Variants in CDC14B observed in about 807,000 individuals in gnomAD.
The protein encoded by CDC14B is cell division cycle 14B.
In CDC14B, 22 loss-of-function variants were observed where a neutral mutation model predicts 64.2. The observed-to-expected ratio is 0.34, with a 90% CI of 0.24 to 0.49. The LOEUF is 0.49. Ranked by LOEUF, CDC14B falls within the 20% of genes least tolerant of loss-of-function variation. The pLI is 0.99. For missense variants in CDC14B, 498 were observed against 629.9 expected, an observed-to-expected ratio of 0.79 and a Z score of 2.24; for synonymous variants, 191 against 215.8, an observed-to-expected ratio of 0.89 and a Z score of 1.01.
At chr9:96,575,474 T>C (rs759851484) in intron 1 of CDC14B, among the ~76,000 whole-genome samples, 5 of 152,164 alleles carry the variant, frequency 3.3e-5, no homozygotes, top group African/African-American at 9.7e-5. Context: ...GTTCTTTTTT[T>C]AAGGGAGGCA....
chr9:96,505,592 C>T (rs1039932096), intron 13 of CDC14B, among the ~76,000 whole-genome samples: 9 of 152,126 alleles, frequency 5.9e-5, no homozygotes, highest in African/African-American at 2.2e-4. Flanking sequence ...TGAAAACAGG[C>T]CGATTCAACG....
intron 4 of CDC14B, among the ~76,000 whole-genome samples, chr9:96,553,118 G>A (rs1842041974): frequency 6.6e-6 from 1 of 152,070 alleles, no homozygotes; most frequent in Non-Finnish European, 1.5e-5. Context: ...CAATAGTTAG[G>A]AAAATTTTAA....
chr9:96,615,116 C>T (rs907943621), intron 1 of CDC14B, among the ~76,000 whole-genome samples: 1 of 152,194 alleles, frequency 6.6e-6, no homozygotes, highest in East Asian at 1.9e-4. Context: ...GCTGGGATTA[C>T]AGACGTGAGA....
chr9:96,564,898 T>C (rs1843700200), intron 2 of CDC14B, 46 bp from the exon 3 acceptor site: 1 of 1,240,584 alleles, frequency 8.1e-7, no homozygotes, highest in Admixed American at 2.2e-5. Context: ...CTAGATGCTC[T>C]GAATATAAAT....
intron 1 of CDC14B, among the ~76,000 whole-genome samples, chr9:96,608,825 A>C (rs1847128524): frequency 6.6e-6 from 1 of 152,078 alleles, no homozygotes; most frequent in Non-Finnish European, 1.5e-5. Flanking sequence ...TTATTAACAT[A>C]TACTTATATA....
chr9:96,512,893 C>T (rs555719248), intron 12 of CDC14B, among the ~76,000 whole-genome samples: 3 of 151,876 alleles, frequency 2.0e-5, no homozygotes, highest in African/African-American at 7.2e-5. Flanking sequence ...TTTGAGGCCA[C>T]GGTTGGCCAA....
intron 4 of CDC14B, among the ~76,000 whole-genome samples, chr9:96,560,243 C>CTCTGCTTTGGAGT (rs1217706510): frequency 6.6e-6 from 1 of 152,166 alleles, no homozygotes; most frequent in Non-Finnish European, 1.5e-5. Flanking sequence ...GGTCTGGCCC[C>CTCTGCTTTGGAGT]TCTGCTTTGG....
intron 1 of CDC14B, among the ~76,000 whole-genome samples, chr9:96,599,055 C>A (rs770089423): frequency 6.6e-6 from 1 of 152,142 alleles, no homozygotes; most frequent in African/African-American, 2.4e-5. Context: ...TAGTAACTTA[C>A]AATTATAATT....
chr9:96,509,643 C>G, intron 13 of CDC14B, 30 bp downstream of exon 13: 1 of 1,385,308 alleles, frequency 7.2e-7, no homozygotes, highest in Non-Finnish European at 1.0e-6. Context: ...ACGCTTGCAA[C>G]TTTTCAGAAG....
chr9:96,502,087 C>T lies in CDC14B; in HGVS notation c.*1666G>A, dbSNP rs1004765276. The T allele has an allele frequency of 1.3e-5, 2 of 152,164 alleles. No individual in the cohort carries two copies. The highest frequency in any genetic ancestry group is 4.8e-5 in the African/African-American group (2 of 41,438). 9.4% of individuals were successfully genotyped at this position (152,164 alleles called of 1,614,324 possible). A position where few individuals can be genotyped will look rare whatever the true frequency, so the allele number is the denominator to read the frequency against. ...CACCCAAATCTTATTGAAGAGTAGT[C>T]TGCCCACAGCCAAGTGGGTCTTTGT... On this transcript the variant is annotated 3_prime_UTR_variant, in exon 14 of 14. Transcript: ENST00000375241.
At chr9:96,608,781 G>T (rs1419193610) in intron 1 of CDC14B, among the ~76,000 whole-genome samples, 1 of 151,798 alleles carries the variant, frequency 6.6e-6, no homozygotes, top group Non-Finnish European at 1.5e-5. Flanking sequence ...TTTTCCTTTA[G>T]ATGTATTTTA....
chr9:96,582,494 T>C (rs1447948135), intron 1 of CDC14B, among the ~76,000 whole-genome samples: 2 of 152,218 alleles, frequency 1.3e-5, no homozygotes, highest in African/African-American at 2.4e-5. Context: ...GCTAGTCAAC[T>C]GGGACAAATA....
chr9:96,533,803 C>A (rs2131720219), intron 9 of CDC14B, 124 bp downstream of exon 9: 1 of 573,556 alleles, frequency 1.7e-6, no homozygotes, highest in Non-Finnish European at 3.0e-6. Context: ...TCAAAGGTTT[C>A]ACGGCACTCT....
Position 96,508,283 on chromosome 9 carries a change from T to C in CDC14B, c.1460+1390A>G, listed in dbSNP as rs1005378277. Among the ~76,000 whole-genome samples, 4 of 152,346 alleles carry C rather than the reference T, an allele frequency of 2.6e-5. No individual in the cohort carries two copies. The East Asian group carries it at 7.7e-4, about 29-fold the overall frequency. On this transcript the variant is annotated intron_variant, in intron 13 of 13. Transcript: ENST00000375241. ...CACCTGCCTCCGCCTCCCAAAGTGC[T>C]GGGATTACAGGCGCGAGCCACCGCA...
intron 5 of CDC14B, among the ~76,000 whole-genome samples, chr9:96,543,007 C>G (rs1564291662): frequency 6.8e-6 from 1 of 148,104 alleles, no homozygotes; most frequent in African/African-American, 2.5e-5. Context: ...GACTCTATCT[C>G]AAAAAACAAA....
At chr9:96,561,164 T>C (rs1034511649) in intron 4 of CDC14B, among the ~76,000 whole-genome samples, 3 of 152,214 alleles carry the variant, frequency 2.0e-5, no homozygotes, top group Non-Finnish European at 4.4e-5. Context: ...CTCGTACACC[T>C]GACCTCAAGT....
In CDC14B at chr9:96,553,913, C is replaced by G. The variant is rs147365799; in HGVS notation, c.421-2041G>C. ...GGGTGCGGTGGCTCACGCCTGTAAT[C>G]CCAGGACTTTGGGAGGCCATCACAG... On this transcript the variant is annotated intron_variant, in intron 4 of 13. Transcript: ENST00000375241. Among the ~76,000 whole-genome samples, 109 of 152,034 alleles carry G rather than the reference C, an allele frequency of 7.2e-4. 1 individual carries two copies. In the East Asian group the frequency reaches 0.02, roughly 29 times the overall value.
chr9:96,580,999 A>C (rs1845114913), intron 1 of CDC14B, among the ~76,000 whole-genome samples: 1 of 152,218 alleles, frequency 6.6e-6, no homozygotes, highest in Admixed American at 6.5e-5. Context: ...CGGGAGGCAG[A>C]GGCGGGTGGA....
intron 1 of CDC14B, among the ~76,000 whole-genome samples, chr9:96,607,411 G>GTTTTT (rs1847029274): frequency 8.8e-6 from 1 of 113,554 alleles, no homozygotes; most frequent in African/African-American, 3.4e-5. Flanking sequence ...TAAACGTGAT[G>GTTTTT]TCTTTTTTTT....
Sources: allele counts gnomAD v4.1 joint callset (sites outside exome capture counted in the v4.1 genomes callset), GRCh38; gene constraint gnomAD v4.1.1; transcripts MANE v1.5; gene names NCBI Gene and HGNC (gene_info 2026-07-23, HGNC 2026-07-21).